ANGPT1: variants seen among roughly 807,000 people sequenced by gnomAD.
The protein encoded by ANGPT1 is angiopoietin-1.
A neutral mutation model predicts 62.2 loss-of-function variants in ANGPT1; 17 were observed. That is an observed-to-expected ratio of 0.27 (90% CI 0.19 to 0.41). The LOEUF (loss-of-function observed/expected upper bound fraction) is 0.41, where lower values mean the gene tolerates loss of function less well. Ranked by LOEUF, ANGPT1 falls within the 10% of genes least tolerant of loss-of-function variation. The pLI, the probability that ANGPT1 is intolerant of heterozygous loss-of-function variation, is 1.00. For synonymous variants in ANGPT1, 199 were observed against 198.9 expected (o/e 1.00, Z 0.00); for missense variants, 478 against 594.9 (o/e 0.80, Z 2.04).
chr8:107,434,494 A>G (rs1811282922), intron 1 of ANGPT1, among the ~76,000 whole-genome samples: 2 of 152,208 alleles, frequency 1.3e-5, no homozygotes. Context: ...CCTATTCAGA[A>G]AGTCCAGGGG....
At chr8:107,373,179 C>T (rs1816450188) in intron 1 of ANGPT1, among the ~76,000 whole-genome samples, 1 of 152,094 alleles carries the variant, frequency 6.6e-6, no homozygotes. Context: ...AGTGTAAATC[C>T]TTCTCCATTT....
chr8:107,466,359 A>T (rs1812198134), intron 1 of ANGPT1, among the ~76,000 whole-genome samples: 1 of 152,034 alleles, frequency 6.6e-6, no homozygotes, highest in African/African-American at 2.4e-5. Flanking sequence ...TCTGTGATCC[A>T]GCTCCACAGA....
intron 7 of ANGPT1, among the ~76,000 whole-genome samples, chr8:107,277,532 C>A (rs1042578959): frequency 3.3e-5 from 5 of 152,032 alleles, no homozygotes; most frequent in Admixed American, 6.6e-5. Context: ...AATAGATCAG[C>A]TTTACGTGTT....
intron 4 of ANGPT1, among the ~76,000 whole-genome samples, chr8:107,320,423 C>T (rs1476984911): frequency 1.3e-5 from 2 of 152,152 alleles, no homozygotes; most frequent in African/African-American, 4.8e-5. Context: ...TGCTTTAAGT[C>T]TTAGGATGAT....
At chr8:107,347,582 C>A (rs1263366778) in intron 1 of ANGPT1, among the ~76,000 whole-genome samples, 1 of 152,116 alleles carries the variant, frequency 6.6e-6, no homozygotes, top group Non-Finnish European at 1.5e-5. Context: ...AATTCAGCCT[C>A]CTGCTTCCAT....
At chr8:107,395,853 A>G (rs979069034) in intron 1 of ANGPT1, among the ~76,000 whole-genome samples, 1 of 152,172 alleles carries the variant, frequency 6.6e-6, no homozygotes, top group Non-Finnish European at 1.5e-5. Flanking sequence ...CTTCTTCATC[A>G]TTGAATGCCC....
intron 4 of ANGPT1, among the ~76,000 whole-genome samples, chr8:107,313,586 C>G (rs181568626): frequency 0.013 from 1,971 of 150,878 alleles, 16 homozygotes; most frequent in Non-Finnish European, 0.022. Context: ...ACTACAGGCG[C>G]CCACCACCAC....
intron 1 of ANGPT1, among the ~76,000 whole-genome samples, chr8:107,419,099 T>C (rs1157908144): frequency 6.6e-6 from 1 of 152,120 alleles, no homozygotes; most frequent in African/African-American, 2.4e-5. Flanking sequence ...CAGCCTGTCA[T>C]GCACACAGAT....
intron 4 of ANGPT1, among the ~76,000 whole-genome samples, chr8:107,305,480 G>A (rs1814692108): frequency 6.6e-6 from 1 of 151,910 alleles, no homozygotes. Flanking sequence ...GTGGCTATGT[G>A]TGGGAAGAGG....
At chr8:107,490,942 A>G (rs1485290483) in intron 1 of ANGPT1, among the ~76,000 whole-genome samples, 1 of 152,206 alleles carries the variant, frequency 6.6e-6, no homozygotes, top group Non-Finnish European at 1.5e-5. Context: ...GAGGATGGAA[A>G]CTCAGAATAT....
chr8:107,433,004 T>A (rs1357746818), intron 1 of ANGPT1, among the ~76,000 whole-genome samples: 1 of 152,208 alleles, frequency 6.6e-6, no homozygotes, highest in Non-Finnish European at 1.5e-5. Flanking sequence ...ATGTCTTGAC[T>A]TAAAAAAAAC....
In ANGPT1 at chr8:107,250,410, T is replaced by C. The variant is rs1563533321; in HGVS notation, c.*1445A>G. 6.6e-6 allele frequency: 1 copy of C among 152,108 alleles called. No individual in the cohort carries two copies. The highest frequency in any genetic ancestry group is 2.4e-5 in the African/African-American group (1 of 41,424). The allele number at this position is 152,108 out of a possible 1,614,324, so 9.4% of individuals were successfully genotyped here. ...TAGCAGTCAGAATTTCTTAGTCAGG[T>C]GACTATGATTAATTTTCTTTTTGTA... On this transcript the variant is annotated 3_prime_UTR_variant, in exon 9 of 9. Coordinates refer to ENST00000517746, the MANE Select transcript of ANGPT1 (RefSeq NM_001146.5).
intron 1 of ANGPT1, among the ~76,000 whole-genome samples, chr8:107,390,367 G>A (rs1199890738): frequency 2.0e-5 from 3 of 151,886 alleles, no homozygotes; most frequent in Non-Finnish European, 4.4e-5. Flanking sequence ...CATTGTGACT[G>A]TGAGACTCTG....
intron 1 of ANGPT1, among the ~76,000 whole-genome samples, chr8:107,496,018 T>A (rs984158995): frequency 3.3e-5 from 5 of 152,188 alleles, no homozygotes; most frequent in African/African-American, 1.2e-4. Context: ...GTAGAATAAC[T>A]ATTACTTGGC....
intron 1 of ANGPT1, among the ~76,000 whole-genome samples, chr8:107,438,077 C>A (rs938260277): frequency 3.9e-5 from 6 of 152,154 alleles, no homozygotes; most frequent in Non-Finnish European, 7.3e-5. Context: ...AGGTGCCAAA[C>A]ACCTTAACCC....
rs570471860 is a variant in ANGPT1, at chr8:107,261,476, C to A, written c.1336+2745G>T. Among the ~76,000 whole-genome samples the A allele has an allele frequency of 2.0e-4, 31 of 151,464 alleles. No homozygotes were observed. In the South Asian group the frequency reaches 6.3e-3, roughly 31 times the overall value. On this transcript the variant is annotated intron_variant, in intron 8 of 8. Transcript: ENST00000517746. ...ATCCCAGCACTTTGGGAGGCCGAGGCGGTCGGATCATGAGGTCAGGAGATT... is the reference window on the plus strand; with the variant it reads ...ATCCCAGCACTTTGGGAGGCCGAGGAGGTCGGATCATGAGGTCAGGAGATT...
At chr8:107,282,544 T>C (rs1814036013) in intron 7 of ANGPT1, among the ~76,000 whole-genome samples, 1 of 118,528 alleles carries the variant, frequency 8.4e-6, no homozygotes, top group South Asian at 2.9e-4. Flanking sequence ...ATATATTACA[T>C]ATATGAACCA....
chr8:107,329,593 C>T (rs1815372448), intron 3 of ANGPT1, among the ~76,000 whole-genome samples: 4 of 151,614 alleles, frequency 2.6e-5, no homozygotes, highest in Admixed American at 1.3e-4. Context: ...AATGGATTTA[C>T]AGTATTTAAT....
At chr8:107,313,441 T>TTTG (rs1814929575) in intron 4 of ANGPT1, among the ~76,000 whole-genome samples, 2 of 126,176 alleles carry the variant, frequency 1.6e-5, no homozygotes, top group Non-Finnish European at 3.3e-5. Flanking sequence ...TTTTTTTTTT[T>TTTG]TTTTTTTTTT....
Sources: allele counts gnomAD v4.1 joint callset (sites outside exome capture counted in the v4.1 genomes callset), GRCh38; gene constraint gnomAD v4.1.1; transcripts MANE v1.5; gene names NCBI Gene and HGNC (gene_info 2026-07-23, HGNC 2026-07-21).